Variants in SGSM1 observed in about 807,000 individuals in gnomAD.
SGSM1 encodes the protein small G protein signaling modulator 1.
A neutral mutation model predicts 133.8 loss-of-function variants in SGSM1; 73 were observed. The ratio of observed to expected loss-of-function variants is 0.55; its 90% CI spans 0.45 to 0.66. The LOEUF (loss-of-function observed/expected upper bound fraction) is 0.66, where lower values mean the gene tolerates loss of function less well. Among genes scored for constraint, SGSM1 ranks in the 30% least tolerant of loss-of-function variants. The pLI is 0.00. For synonymous variants in SGSM1, 563 were observed against 573.0 expected (o/e 0.98, Z 0.25); for missense variants, 1,213 against 1,448.1 (o/e 0.84, Z 2.64).
intron 10 of SGSM1, 64 bp from the exon 11 acceptor site, chr22:24,868,312 A>T: frequency 6.5e-7 from 1 of 1,549,936 alleles, no homozygotes; most frequent in Non-Finnish European, 8.7e-7. Flanking sequence ...GCTTGCAGGA[A>T]GGGGCTGTCA....
chr22:24,825,222 G>A (rs71321013), intron 2 of SGSM1, among the ~76,000 whole-genome samples: 2 of 152,042 alleles, frequency 1.3e-5, no homozygotes, highest in Non-Finnish European at 2.9e-5. Context: ...TGCCACCTTT[G>A]GGGACCAGGG....
At chr22:24,914,478 C>G (rs1933749538) in intron 22 of SGSM1, among the ~76,000 whole-genome samples, 1 of 151,314 alleles carries the variant, frequency 6.6e-6, no homozygotes, top group African/African-American at 2.4e-5. Context: ...TCTGTCCCCC[C>G]CCCCAAAAAA....
chr22:24,898,268 G>T lies in SGSM1; in HGVS notation c.2319G>T (p.Arg773=), dbSNP rs966291339. 4 of 1,613,748 alleles carry T rather than the reference G, an allele frequency of 2.5e-6. No individual in the cohort carries two copies. In the African/African-American group the frequency reaches 5.3e-5, roughly 22 times the overall value. ...CCACATCTCAGGATGAGGCTCCCCG[G>T]GAGGAGCTGGCCGTGCAGGACAGCC... ...EATTSQDEAP[R]EELAVQDSLE... is the part of the protein sequence containing the mutation. Residue 773 remains arginine (R), a synonymous_variant, in exon 19 of 25, where the codon CGG becomes CGT. Coordinates refer to ENST00000400358, the MANE Select transcript of SGSM1 (RefSeq NM_001098497.3).
At chr22:24,863,379 G>A (rs555475138) in intron 9 of SGSM1, among the ~76,000 whole-genome samples, 3 of 152,162 alleles carry the variant, frequency 2.0e-5, no homozygotes, top group South Asian at 2.1e-4. Context: ...GGATGGTCTC[G>A]ATCTCTTGAC....
At chr22:24,859,257 T>C (rs942127633) in intron 8 of SGSM1, among the ~76,000 whole-genome samples, 4 of 150,494 alleles carry the variant, frequency 2.7e-5, no homozygotes, top group Non-Finnish European at 4.4e-5. Context: ...GGGCGGGGAG[T>C]GTAGGGGGGG....
chr22:24,924,315 C>T lies in SGSM1; in HGVS notation c.*41C>T. The T allele has an allele frequency of 6.4e-7, 1 of 1,560,702 alleles. No individual in the cohort carries two copies. The highest frequency in any genetic ancestry group is 8.8e-7 in the Non-Finnish European group (1 of 1,132,990). ...GGCAGCCTCAGCCAAGCTGCCCCTG[C>T]CCCGCTCCTCTGCTTACTTTTCCTC... On this transcript the variant is annotated 3_prime_UTR_variant, in exon 25 of 25. Transcript: ENST00000400358.
At chr22:24,821,161 C>T (rs1267210476) in intron 2 of SGSM1, among the ~76,000 whole-genome samples, 1 of 152,202 alleles carries the variant, frequency 6.6e-6, no homozygotes, top group East Asian at 1.9e-4. Context: ...CTCAGCCTCC[C>T]GAATAGCCAG....
intron 2 of SGSM1, among the ~76,000 whole-genome samples, chr22:24,810,407 G>T (rs1927668784): frequency 6.6e-6 from 1 of 150,942 alleles, no homozygotes; most frequent in African/African-American, 2.4e-5. Flanking sequence ...GCCTCAGCGT[G>T]ATTTCCTCCA....
intron 21 of SGSM1, among the ~76,000 whole-genome samples, 193 bp downstream of exon 21, chr22:24,905,380 C>T (rs1266110816): frequency 6.6e-6 from 1 of 152,160 alleles, no homozygotes; most frequent in Non-Finnish European, 1.5e-5. Flanking sequence ...ATACTCAACA[C>T]CCAGACAGGC....
At chr22:24,899,557 C>T (rs1252208581) in intron 19 of SGSM1, among the ~76,000 whole-genome samples, 13 of 145,074 alleles carry the variant, frequency 9.0e-5, no homozygotes, top group Non-Finnish European at 1.5e-5. Flanking sequence ...GGGTCTCGCT[C>T]TGTCACCTAG....
intron 4 of SGSM1, among the ~76,000 whole-genome samples, chr22:24,849,143 T>A (rs376108765): frequency 5.3e-5 from 8 of 152,226 alleles, no homozygotes; most frequent in African/African-American, 1.9e-4. Flanking sequence ...CATAAACATT[T>A]ACTAAGCTTC....
intron 5 of SGSM1, among the ~76,000 whole-genome samples, chr22:24,851,929 C>T (rs1237469342): frequency 1.3e-5 from 2 of 152,236 alleles, no homozygotes; most frequent in African/African-American, 2.4e-5. Context: ...CTAGTAATAA[C>T]ATGTCTCTGC....
intron 2 of SGSM1, among the ~76,000 whole-genome samples, chr22:24,835,293 C>T (rs1288606832): frequency 6.6e-6 from 1 of 152,134 alleles, no homozygotes; most frequent in Non-Finnish European, 1.5e-5. Context: ...AAGCCCTATG[C>T]TAAATGCTTT....
intron 22 of SGSM1, among the ~76,000 whole-genome samples, chr22:24,915,986 TG>T (rs1319739026): frequency 3.3e-5 from 5 of 152,220 alleles, no homozygotes. Flanking sequence ...TTTTCAAACA[TG>T]TTTTTTTCCC....
intron 5 of SGSM1, among the ~76,000 whole-genome samples, chr22:24,852,122 A>C (rs761746751): frequency 6.6e-6 from 1 of 152,234 alleles, no homozygotes; most frequent in Non-Finnish European, 1.5e-5. Flanking sequence ...AGAAGTTGCA[A>C]AATTAGTACA....
intron 13 of SGSM1, among the ~76,000 whole-genome samples, 166 bp downstream of exon 13, chr22:24,876,881 G>A (rs919014395): frequency 6.6e-6 from 1 of 152,230 alleles, no homozygotes; most frequent in Middle Eastern, 3.2e-3. Flanking sequence ...GAGGTTACAT[G>A]TAATAGTCAG....
At chr22:24,811,971 C>A (rs938882297) in intron 2 of SGSM1, among the ~76,000 whole-genome samples, 1 of 151,532 alleles carries the variant, frequency 6.6e-6, no homozygotes. Flanking sequence ...GAGTTGAAGA[C>A]CAGCCTGGCC....
intron 3 of SGSM1, among the ~76,000 whole-genome samples, chr22:24,846,942 G>A (rs1370460018): frequency 6.6e-6 from 1 of 151,894 alleles, no homozygotes; most frequent in Non-Finnish European, 1.5e-5. Context: ...CCAGGTTCAT[G>A]CCATTCTCCT....
chr22:24,834,261 G>A (rs1248567137), intron 2 of SGSM1, among the ~76,000 whole-genome samples: 1 of 152,254 alleles, frequency 6.6e-6, no homozygotes, highest in Non-Finnish European at 1.5e-5. Context: ...TAGGCCGTCT[G>A]GGCCATGACT....
Sources: allele counts gnomAD v4.1 joint callset (sites outside exome capture counted in the v4.1 genomes callset), GRCh38; gene constraint gnomAD v4.1.1; transcripts MANE v1.5; gene names NCBI Gene and HGNC (gene_info 2026-07-23, HGNC 2026-07-21).